Variants in CPSF4L observed in about 807,000 individuals in gnomAD.
CPSF4L encodes the protein putative cleavage and polyadenylation specificity factor subunit 4-like protein.
In CPSF4L, 18 loss-of-function variants were observed where a neutral mutation model predicts 24.0. That is an observed-to-expected ratio of 0.75 (90% CI 0.52 to 1.11). CPSF4L has a LOEUF of 1.11. Ranked by LOEUF, CPSF4L falls within the 50% of genes least tolerant of loss-of-function variation. The pLI is 0.00. For missense variants in CPSF4L, 211 were observed against 221.8 expected, an observed-to-expected ratio of 0.95 and a Z score of 0.31; for synonymous variants, 72 against 77.2, an observed-to-expected ratio of 0.93 and a Z score of 0.35.
chr17:73,254,265 G>A (rs1157749863), intron 3 of CPSF4L, among the ~76,000 whole-genome samples: 1 of 152,248 alleles, frequency 6.6e-6, no homozygotes, highest in African/African-American at 2.4e-5. Flanking sequence ...AAGAGTAAGA[G>A]TGAGGGACCC....
At chr17:73,250,320 T>A in intron 5 of CPSF4L, 1 of 1,550,404 alleles carries the variant, frequency 6.4e-7, no homozygotes, top group Non-Finnish European at 8.7e-7. Context: ...ACAGAAAAAG[T>A]GAATGGCATG....
intron 3 of CPSF4L, among the ~76,000 whole-genome samples, chr17:73,255,190 A>C (rs555508673): frequency 1.8e-4 from 27 of 152,094 alleles, no homozygotes; most frequent in Non-Finnish European, 7.4e-5. Flanking sequence ...CTACAGAGCA[A>C]GGTTTCGCCT....
At chr17:73,242,240 A>G in the CPSF4L span, 1 of 1,568,708 alleles carries the variant, frequency 6.4e-7, no homozygotes. Context: ...GTTTGGAACC[A>G]TAGTTTCTTT....
At chr17:73,248,617 C>T in intron 5 of CPSF4L, 81 bp from the exon 6 acceptor site, 1 of 1,353,630 alleles carries the variant, frequency 7.4e-7, no homozygotes, top group Non-Finnish European at 1.0e-6. Flanking sequence ...GCAGAAGAGG[C>T]ATGGTGACAC....
At position 73,252,235 on chromosome 17, in the gene CPSF4L, G is replaced by A. The variant is rs375028233; in HGVS notation, c.497+395C>T. On this transcript the variant is annotated intron_variant, in intron 5 of 5. Coordinates refer to ENST00000344935, the MANE Select transcript of CPSF4L (RefSeq NM_001129885.1). ...GAGAGACGATTACAGCCCAGCTCTC[G>A]CCCTCCCATCTTCTGCTCATTAACA... 3.9e-5 allele frequency among the ~76,000 whole-genome samples: 6 copies of A among 152,132 alleles called. No homozygotes were observed. The East Asian group carries it at 5.8e-4, about 15-fold the overall frequency.
the CPSF4L span, chr17:73,243,077 ATTTTTTTTTTT>A: frequency 2.4e-4 from 104 of 438,582 alleles, 2 homozygotes; most frequent in Middle Eastern, 1.4e-3. Context: ...GATTCTCTGA[ATTTTTTTTTTT>A]TTTTTTTTTT....
downstream of CPSF4L, chr17:73,248,396 GT>G: frequency 4.5e-6 from 5 of 1,106,272 alleles, no homozygotes; most frequent in Non-Finnish European, 6.7e-6. Context: ...AGCCTTATAA[GT>G]TTTGTCTCTT....
intron 1 of CPSF4L, among the ~76,000 whole-genome samples, chr17:73,261,381 G>C (rs542204605): frequency 1.3e-5 from 2 of 152,230 alleles, no homozygotes; most frequent in African/African-American, 4.8e-5. Flanking sequence ...GGGGAGGGAG[G>C]CTGGGCGTGG....
chr17:73,252,650 T>C lies in CPSF4L; in HGVS notation c.477A>G (p.Gly159=), dbSNP rs1177791725. ...LNYLVGFCPE[G]PKCQFAQKIR... is the part of the protein sequence containing the mutation. Reference sequence around the variant, plus strand: ...CTTACTGAGCAAATTGGCACTTGGGTCCCTCGGGGCAGAAGCCAACTAAAT... The same window carrying C: ...CTTACTGAGCAAATTGGCACTTGGGCCCCTCGGGGCAGAAGCCAACTAAAT... Residue 159 remains glycine (G), a synonymous_variant, in exon 5 of 6, where the codon GGA becomes GGG. Transcript: ENST00000344935. 1 of 1,551,042 alleles carries C rather than the reference T, an allele frequency of 6.4e-7. No individual in the cohort carries two copies. The highest frequency in any genetic ancestry group is 1.4e-5 in the African/African-American group (1 of 73,022).
intron 2 of CPSF4L, among the ~76,000 whole-genome samples, chr17:73,259,367 T>C (rs974448514): frequency 5.3e-5 from 8 of 150,986 alleles, no homozygotes; most frequent in African/African-American, 1.9e-4. Flanking sequence ...AAAAAAAAAA[T>C]TATGTTTTGT....
At chr17:73,261,054 C>T in intron 1 of CPSF4L, 71 bp from the exon 2 acceptor site, 1 of 1,283,114 alleles carries the variant, frequency 7.8e-7, no homozygotes, top group Non-Finnish European at 1.1e-6. Context: ...GCCTCCACCT[C>T]CATCGGCATG....
chr17:73,252,699 A>T lies in CPSF4L; in HGVS notation c.428T>A (p.Val143Asp), dbSNP rs970772093. The T allele has an allele frequency of 2.6e-6, 4 of 1,551,298 alleles. No individual in the cohort carries two copies. Among genetic ancestry groups the T allele is most frequent in the Middle Eastern group, 3.3e-4 (2 of 5,990 alleles). ...ATAGTTGAGACACATTATTCTGGGG[A>T]CATGGCGGTATTTACACAGAGGACC... ...KDGPLCKYRH[V>D]PRIMCLNYLV... The change falls in exon 5 of 6, where the codon GTC becomes GAC. Residue 143 changes from valine to aspartate, a missense_variant. Coordinates refer to ENST00000344935, the MANE Select transcript of CPSF4L (RefSeq NM_001129885.1).
intron 2 of CPSF4L, among the ~76,000 whole-genome samples, chr17:73,260,227 T>C (rs1281873987): frequency 6.6e-6 from 1 of 152,136 alleles, no homozygotes; most frequent in Non-Finnish European, 1.5e-5. Context: ...GCCTCTCTTC[T>C]AGCTGGGAGG....
At chr17:73,252,002 T>C (rs559154368) in intron 5 of CPSF4L, among the ~76,000 whole-genome samples, 16 of 152,316 alleles carry the variant, frequency 1.1e-4, no homozygotes, top group African/African-American at 3.1e-4. Context: ...CAACCACATA[T>C]ATGTGTCCCA....
At chr17:73,257,615 C>T in intron 3 of CPSF4L, 66 bp downstream of exon 3, 2 of 1,514,382 alleles carry the variant, frequency 1.3e-6, no homozygotes, top group Non-Finnish European at 1.8e-6. Context: ...CTCTAGAAAC[C>T]TTCCCATCTC....
At chr17:73,242,175 G>A in the CPSF4L span, 11 of 1,021,424 alleles carry the variant, frequency 1.1e-5, no homozygotes, top group South Asian at 4.5e-5. Context: ...TGGATCCTTC[G>A]GCACTGGATG....
intron 5 of CPSF4L, chr17:73,251,240 T>G: frequency 9.2e-7 from 1 of 1,087,466 alleles, no homozygotes. Context: ...GTTACAGTTT[T>G]AAGTGCCAAA....
At chr17:73,254,448 C>T (rs2062016841) in intron 3 of CPSF4L, among the ~76,000 whole-genome samples, 1 of 152,188 alleles carries the variant, frequency 6.6e-6, no homozygotes, top group South Asian at 2.1e-4. Context: ...GGAAGCTGTT[C>T]CCCTTGGTGG....
At chr17:73,247,866 T>A (rs2061973581), downstream of CPSF4L, 1 of 155,338 alleles carries the variant, frequency 6.4e-6, no homozygotes, top group African/African-American at 2.4e-5. Context: ...CTCCACATTC[T>A]GGGATGACTT....
Sources: gnomAD v4.1 joint callset for allele counts (sites outside exome capture counted in the v4.1 genomes callset) on GRCh38, gnomAD v4.1.1 for gene constraint, MANE v1.5 for transcripts, NCBI Gene and HGNC (gene_info 2026-07-23, HGNC 2026-07-21) for gene names.